Variants in NPTXR observed in about 807,000 individuals in gnomAD.
The protein encoded by NPTXR is neuronal pentraxin receptor.
In NPTXR, 12 loss-of-function variants were observed where a neutral mutation model predicts 32.2. That is an observed-to-expected ratio of 0.37 (90% CI 0.24 to 0.60). The LOEUF is 0.60. NPTXR is among the 20% of genes least tolerant of loss of function. The pLI is 0.66. For missense variants in NPTXR, 612 were observed against 682.9 expected (o/e 0.90, Z 1.16); for synonymous variants, 323 against 315.8 (o/e 1.02, Z -0.24).
chr22:38,822,965 C>CG, intron 4 of NPTXR, 118 bp downstream of exon 4: 1 of 1,461,784 alleles, frequency 6.8e-7, no homozygotes, highest in Non-Finnish European at 9.4e-7. Context: ...CCACCGCCAA[C>CG]GCTCTAGCCC....
chr22:38,836,393 C>T (rs190720413), intron 1 of NPTXR, among the ~76,000 whole-genome samples: 42 of 152,338 alleles, frequency 2.8e-4, no homozygotes, highest in Admixed American at 2.5e-3. Context: ...AATTAAGGCT[C>T]GTCCGCGCAA....
At chr22:38,841,943 C>T (rs2093132298) in intron 1 of NPTXR, among the ~76,000 whole-genome samples, 1 of 152,226 alleles carries the variant, frequency 6.6e-6, no homozygotes, top group Admixed American at 6.5e-5. Flanking sequence ...CCTCTGCCAC[C>T]TCTCTTAGGA....
intron 1 of NPTXR, among the ~76,000 whole-genome samples, chr22:38,832,121 G>A (rs1302318923): frequency 9.2e-5 from 14 of 152,202 alleles, no homozygotes; most frequent in Admixed American, 9.2e-4. Flanking sequence ...GGGGGTGTGC[G>A]CTCAAGCTGT....
intron 1 of NPTXR, among the ~76,000 whole-genome samples, chr22:38,838,860 T>C (rs865980283): frequency 2.6e-5 from 4 of 152,006 alleles, no homozygotes; most frequent in Admixed American, 1.3e-4. Context: ...GGATTACAGG[T>C]GTGAGCCACC....
chr22:38,843,420 C>A lies in NPTXR; in HGVS notation c.439G>T (p.Asp147Tyr). ...GTGAGCTCACGGATGGTGTCCTGGT[C>A]GGCGCGGATGCGCGCCTCCTGCTGC... The change falls in exon 1 of 5, where the codon GAC becomes TAC. Residue 147 changes from aspartate to tyrosine, a missense_variant. Transcript: ENST00000333039. The surrounding 1 kb of genome is among the most constrained non-coding windows in gnomAD (Gnocchi z 5.3). 1 of 1,398,500 alleles carries A rather than the reference C, an allele frequency of 7.2e-7. No homozygotes were observed. The highest frequency in any genetic ancestry group is 3.3e-5 in the Admixed American group (1 of 30,200). 86.6% of individuals were successfully genotyped at this position (1,398,500 alleles called of 1,614,324 possible). A position where few individuals can be genotyped will look rare whatever the true frequency, so the allele number is the denominator to read the frequency against.
In NPTXR at chr22:38,834,854, G is replaced by A. The variant is rs1308562177; in HGVS notation, c.625-6342C>T. Among the ~76,000 whole-genome samples the A allele has an allele frequency of 3.9e-5, 6 of 152,152 alleles. No individual in the cohort carries two copies. Among genetic ancestry groups the A allele is most frequent in the Admixed American group, 3.9e-4 (6 of 15,280 alleles). On this transcript the variant is annotated intron_variant, in intron 1 of 4. Transcript: ENST00000333039. The surrounding 1 kb of genome is among the most constrained non-coding windows in gnomAD (Gnocchi z 4.4). ...GATAAAATGAAAGAACAGATATGAA[G>A]TGTGGTCAACCATAAGAGGCAGTAC...
chr22:38,841,798 G>T (rs375560926), intron 1 of NPTXR, among the ~76,000 whole-genome samples: 1 of 152,306 alleles, frequency 6.6e-6, no homozygotes, highest in South Asian at 2.1e-4. Flanking sequence ...TTACAGGCGA[G>T]AAAACTAAGA....
Position 38,834,533 on chromosome 22 carries a change from G to C in NPTXR, c.625-6021C>G, listed in dbSNP as rs2146197067. ...CCTGAACTGAGATGCTCTATAGAGA[G>C]AGAAGAGGGCCCTGAGAGCTTCTCT... On this transcript the variant is annotated intron_variant, in intron 1 of 4. Coordinates refer to ENST00000333039, the MANE Select transcript of NPTXR (RefSeq NM_014293.4). The surrounding 1 kb of genome is among the most constrained non-coding windows in gnomAD (Gnocchi z 4.4). Among the ~76,000 whole-genome samples, 1 of 150,130 alleles carries C rather than the reference G, an allele frequency of 6.7e-6. No homozygotes were observed. The highest frequency in any genetic ancestry group is 2.1e-4 in the South Asian group (1 of 4,712).
At chr22:38,830,773 C>T (rs2093114878) in intron 1 of NPTXR, among the ~76,000 whole-genome samples, 1 of 152,234 alleles carries the variant, frequency 6.6e-6, no homozygotes, top group Non-Finnish European at 1.5e-5. Context: ...CTCTCCATTC[C>T]AGGCTGTAAG....
rs985660273 is a variant in NPTXR at position 38,843,409 on chromosome 22, G to C, written c.450C>G (p.Thr150=). Residue 150 remains threonine, a synonymous_variant, in exon 1 of 5, where the codon ACC becomes ACG. Coordinates refer to ENST00000333039, the MANE Select transcript of NPTXR (RefSeq NM_014293.4). This position sits in a 1 kb window ranked among gnomAD's most constrained non-coding sequence, Gnocchi z 5.3. ...CCAGCTTGCCGGTGAGCTCACGGAT[G>C]GTGTCCTGGTCGGCGCGGATGCGCG... is the stretch of plus-strand genomic sequence containing the variant. 7.1e-7 allele frequency: 1 copy of C among 1,414,008 alleles called. No homozygotes were observed. Among genetic ancestry groups the C allele is most frequent in the African/African-American group, 1.5e-5 (1 of 66,710 alleles). The allele number at this position is 1,414,008 out of a possible 1,614,324, so 87.6% of individuals were successfully genotyped here.
At chr22:38,823,336 G>C in intron 3 of NPTXR, 74 bp from the exon 4 acceptor site, 2 of 1,404,554 alleles carry the variant, frequency 1.4e-6, no homozygotes, top group Non-Finnish European at 2.0e-6. Context: ...CAGTGGGGTG[G>C]GGCTGGGGAG....
At chr22:38,833,549 T>C (rs367690776) in intron 1 of NPTXR, among the ~76,000 whole-genome samples, 3 of 152,262 alleles carry the variant, frequency 2.0e-5, no homozygotes, top group Non-Finnish European at 1.5e-5. Context: ...GTAAATCTCA[T>C]AGCATCGTGG....
At chr22:38,841,535 G>A (rs531866758) in intron 1 of NPTXR, among the ~76,000 whole-genome samples, 49 of 152,392 alleles carry the variant, frequency 3.2e-4, no homozygotes, top group Admixed American at 6.5e-4. Context: ...TGGCAGGCAC[G>A]AGGAAGTTTA....
At chr22:38,841,170 T>TCCAGCC (rs958433008) in intron 1 of NPTXR, among the ~76,000 whole-genome samples, 4 of 152,218 alleles carry the variant, frequency 2.6e-5, no homozygotes, top group Non-Finnish European at 5.9e-5. Context: ...GTGCTCCAGC[T>TCCAGCC]CCAGCCCCAG....
At chr22:38,829,488 G>A (rs911062026) in intron 1 of NPTXR, among the ~76,000 whole-genome samples, 1 of 152,152 alleles carries the variant, frequency 6.6e-6, no homozygotes, top group Admixed American at 6.5e-5. Flanking sequence ...GACAGTCTGT[G>A]GCAGACATGT....
chr22:38,843,345 C>G lies in NPTXR; in HGVS notation c.514G>C (p.Ala172Pro), dbSNP rs2093134544. 1.4e-6 allele frequency: 2 copies of G among 1,411,610 alleles called. No homozygotes were observed. The highest frequency in any genetic ancestry group is 1.8e-6 in the Non-Finnish European group (2 of 1,090,786). 87.4% of individuals were successfully genotyped at this position (1,411,610 alleles called of 1,614,324 possible). The change falls in exon 1 of 5, where the codon GCC becomes CCC. Residue 172 changes from alanine to proline, a missense_variant. Ala to Pro is a conservative substitution (Grantham distance 27). Transcript: ENST00000333039. The surrounding 1 kb of genome is among the most constrained non-coding windows in gnomAD (Gnocchi z 5.3). ...GCCATGGTGTCGCGGCGGGGCCCGG[C>G]GCCCTGGAGGCCGCGCGGCAGGCCG...
intron 3 of NPTXR, among the ~76,000 whole-genome samples, chr22:38,826,227 G>C (rs573241261): frequency 6.6e-6 from 1 of 152,318 alleles, no homozygotes; most frequent in South Asian, 2.1e-4. Context: ...GGTCACTGGG[G>C]AAGTCACTGG....
At chr22:38,826,798 G>T in intron 2 of NPTXR, 51 bp from the exon 3 acceptor site, 1 of 1,579,292 alleles carries the variant, frequency 6.3e-7, no homozygotes. Context: ...ACCGAAAAGG[G>T]TGGGGTGGAC....
chr22:38,823,032 G>C (rs766899824), intron 4 of NPTXR, 51 bp downstream of exon 4: 1 of 1,596,574 alleles, frequency 6.3e-7, no homozygotes, highest in South Asian at 1.1e-5. Context: ...CCCTCAGTCT[G>C]CCCATCTGCA....
Sources: gnomAD v4.1 joint callset for allele counts (sites outside exome capture counted in the v4.1 genomes callset) on GRCh38, gnomAD v4.1.1 for gene constraint, Gnocchi (gnomAD v3.1) non-coding constraint, MANE v1.5 for transcripts, NCBI Gene and HGNC (gene_info 2026-07-23, HGNC 2026-07-21) for gene names.